UNC5D: variants seen among roughly 807,000 people sequenced by gnomAD.
UNC5D encodes netrin receptor UNC5D.
A neutral mutation model predicts 105.4 loss-of-function variants in UNC5D; 39 were observed. That is an observed-to-expected ratio of 0.37 (90% CI 0.29 to 0.48). UNC5D has a LOEUF of 0.48. Among genes scored for constraint, UNC5D ranks in the 20% least tolerant of loss-of-function variants. The pLI, the probability that UNC5D is intolerant of heterozygous loss-of-function variation, is 0.98. For missense variants in UNC5D, 991 were observed against 1,202.4 expected (o/e 0.82, Z 2.60); for synonymous variants, 452 against 450.4 (o/e 1.00, Z -0.04).
intron 1 of UNC5D, among the ~76,000 whole-genome samples, chr8:35,342,641 A>G (rs1333392459): frequency 2.0e-5 from 3 of 152,094 alleles, no homozygotes; most frequent in African/African-American, 4.8e-5. Flanking sequence ...TGTGAACCAC[A>G]CCAGCCTAAA....
chr8:35,571,961 T>G (rs1817752845), intron 3 of UNC5D, among the ~76,000 whole-genome samples: 1 of 152,184 alleles, frequency 6.6e-6, no homozygotes, highest in Non-Finnish European at 1.5e-5. Flanking sequence ...TTCCTGCGTT[T>G]AAACAATTAT....
chr8:35,265,103 A>G (rs1415197203), intron 1 of UNC5D, among the ~76,000 whole-genome samples: 1 of 152,196 alleles, frequency 6.6e-6, no homozygotes, highest in Non-Finnish European at 1.5e-5. Flanking sequence ...GTAACAGTCA[A>G]AGCAGGTTTA....
At chr8:35,518,303 C>T (rs1163875340) in intron 1 of UNC5D, among the ~76,000 whole-genome samples, 1 of 152,108 alleles carries the variant, frequency 6.6e-6, no homozygotes, top group African/African-American at 2.4e-5. Context: ...AAAAGCAGCT[C>T]CTCTCAGTGA....
At chr8:35,290,589 G>T (rs1009686263) in intron 1 of UNC5D, among the ~76,000 whole-genome samples, 1 of 152,052 alleles carries the variant, frequency 6.6e-6, no homozygotes, top group Non-Finnish European at 1.5e-5. Context: ...GGCATCTATA[G>T]TCAATAATAA....
chr8:35,280,005 C>CT (rs1341944220), intron 1 of UNC5D, among the ~76,000 whole-genome samples: 7 of 151,778 alleles, frequency 4.6e-5, no homozygotes, highest in Non-Finnish European at 8.8e-5. Flanking sequence ...TTCTTTCTTT[C>CT]TTTTTTTTGA....
chr8:35,374,497 T>A (rs1413124780), intron 1 of UNC5D, among the ~76,000 whole-genome samples: 1 of 152,154 alleles, frequency 6.6e-6, no homozygotes, highest in Non-Finnish European at 1.5e-5. Flanking sequence ...ATAGACTAAG[T>A]ATGGTAGAGT....
intron 16 of UNC5D, among the ~76,000 whole-genome samples, chr8:35,782,383 A>G (rs1167347444): frequency 1.3e-5 from 2 of 152,090 alleles, no homozygotes; most frequent in Non-Finnish European, 2.9e-5. Flanking sequence ...CATTATGACT[A>G]TGTTTCAATT....
At chr8:35,274,485 G>T (rs976664502) in intron 1 of UNC5D, among the ~76,000 whole-genome samples, 3 of 152,214 alleles carry the variant, frequency 2.0e-5, no homozygotes, top group African/African-American at 4.8e-5. Context: ...TGTGGCCTGT[G>T]AGTGTGGTTG....
Position 35,248,020 on chromosome 8 carries a change from A to G in UNC5D, c.103+12133A>G, listed in dbSNP as rs184763233. ...ATATTATATATAAAATATATATAAT[A>G]TATAAATAAATATTATATATAAAAT... On this transcript the variant is annotated intron_variant, in intron 1 of 16. Coordinates refer to ENST00000404895, the MANE Select transcript of UNC5D (RefSeq NM_080872.4). Among the ~76,000 whole-genome samples the G allele has an allele frequency of 2.8e-3, 104 of 36,578 alleles. 14 individuals are homozygous for G. Among genetic ancestry groups the G allele is most frequent in the Middle Eastern group, 0.029 (1 of 34 alleles). The allele number at this position is 36,578 out of a possible 152,430, so 24.0% of individuals were successfully genotyped here. A position where few individuals can be genotyped will look rare whatever the true frequency, so the allele number is the denominator to read the frequency against.
chr8:35,529,966 A>G (rs1483655583), intron 1 of UNC5D, among the ~76,000 whole-genome samples: 1 of 151,314 alleles, frequency 6.6e-6, no homozygotes, highest in East Asian at 2.0e-4. Context: ...GGGGTTTTCT[A>G]TATATACAAT....
At chr8:35,624,890 C>A (rs1445306976) in intron 4 of UNC5D, among the ~76,000 whole-genome samples, 1 of 152,146 alleles carries the variant, frequency 6.6e-6, no homozygotes, top group Middle Eastern at 3.2e-3. Flanking sequence ...ACTACATAAA[C>A]CTACTTGTTA....
Position 35,645,509 on chromosome 8 carries a change from C to T in UNC5D, c.571-38038C>T, listed in dbSNP as rs1007479672. Reference sequence around the variant, plus strand: ...GAACCCACTTGCAACATTTTTCTATCGTATATATGTGTGTGTGCTGTGTGT... The same window carrying T: ...GAACCCACTTGCAACATTTTTCTATTGTATATATGTGTGTGTGCTGTGTGT... On this transcript the variant is annotated intron_variant, in intron 4 of 16. Transcript: ENST00000404895. 1.4e-4 allele frequency among the ~76,000 whole-genome samples: 20 copies of T among 148,126 alleles called. No individual in the cohort carries two copies. The Middle Eastern group carries it at 0.014, about 102-fold the overall frequency.
intron 4 of UNC5D, among the ~76,000 whole-genome samples, chr8:35,680,594 C>T (rs942001271): frequency 2.0e-5 from 3 of 151,874 alleles, no homozygotes; most frequent in South Asian, 2.1e-4. Flanking sequence ...TTGTTGGCCT[C>T]GTTCTTTTGC....
At chr8:35,339,691 G>C (rs142090183) in intron 1 of UNC5D, among the ~76,000 whole-genome samples, 1 of 152,180 alleles carries the variant, frequency 6.6e-6, no homozygotes, top group African/African-American at 2.4e-5. Flanking sequence ...CTGAATCCAG[G>C]TTCCAATGCT....
chr8:35,410,888 A>C (rs764473015), intron 1 of UNC5D, among the ~76,000 whole-genome samples: 1 of 152,074 alleles, frequency 6.6e-6, no homozygotes, highest in African/African-American at 2.4e-5. Context: ...TTCTATGGGA[A>C]CTGTGTTTTA....
chr8:35,568,012 A>G, intron 2 of UNC5D, 86 bp from the exon 3 acceptor site: 3 of 1,539,438 alleles, frequency 1.9e-6, no homozygotes, highest in Non-Finnish European at 2.6e-6. Flanking sequence ...GTTTAATTAA[A>G]AAGAAAAGGT....
chr8:35,775,204 C>T (rs2131743939), intron 16 of UNC5D, among the ~76,000 whole-genome samples: 1 of 152,260 alleles, frequency 6.6e-6, no homozygotes, highest in Non-Finnish European at 1.5e-5. Context: ...CATGCTCAAC[C>T]TACAAAATTG....
chr8:35,275,355 A>T (rs1805703758), intron 1 of UNC5D, among the ~76,000 whole-genome samples: 1 of 152,004 alleles, frequency 6.6e-6, no homozygotes, highest in South Asian at 2.1e-4. Flanking sequence ...TAAATAAATT[A>T]ATGTGTCCTA....
intron 10 of UNC5D, chr8:35,727,663 C>A (rs554804513): frequency 6.6e-6 from 1 of 152,012 alleles, no homozygotes; most frequent in African/African-American, 2.4e-5. Context: ...CAATGGCAGC[C>A]GTAATTGAAT....
Sources: gnomAD v4.1 joint callset for allele counts (sites outside exome capture counted in the v4.1 genomes callset) on GRCh38, gnomAD v4.1.1 for gene constraint, MANE v1.5 for transcripts, NCBI Gene and HGNC (gene_info 2026-07-23, HGNC 2026-07-21) for gene names.